Variants in FNIP1 observed in about 807,000 individuals in gnomAD.
FNIP1 encodes folliculin-interacting protein 1.
A neutral mutation model predicts 124.5 loss-of-function variants in FNIP1; 40 were observed. That is an observed-to-expected ratio of 0.32 (90% CI 0.25 to 0.42). FNIP1 has a LOEUF of 0.42. Among genes scored for constraint, FNIP1 ranks in the 10% least tolerant of loss-of-function variants. FNIP1 has a pLI of 1.00. For missense variants in FNIP1, 1,176 were observed against 1,403.7 expected, an observed-to-expected ratio of 0.84 and a Z score of 2.59; for synonymous variants, 472 against 470.6, an observed-to-expected ratio of 1.00 and a Z score of -0.04.
chr5:131,770,286 C>A (rs1185798263), intron 1 of FNIP1, among the ~76,000 whole-genome samples: 1 of 152,174 alleles, frequency 6.6e-6, no homozygotes, highest in Non-Finnish European at 1.5e-5. Context: ...ACAAGTCTAG[C>A]AGAAAATACT....
intron 12 of FNIP1, 78 bp downstream of exon 12, chr5:131,678,951 A>G (rs1454292763): frequency 1.0e-6 from 1 of 967,870 alleles, no homozygotes; most frequent in East Asian, 2.7e-5. Context: ...AATTCCAAAG[A>G]TAATGGATGA....
chr5:131,759,695 G>T (rs763348762), intron 1 of FNIP1, among the ~76,000 whole-genome samples: 1 of 152,168 alleles, frequency 6.6e-6, no homozygotes, highest in Non-Finnish European at 1.5e-5. Context: ...ATTTCTCAAA[G>T]AATTTAAAAC....
chr5:131,651,752 A>T (rs761773773), intron 16 of FNIP1, 50 bp downstream of exon 16: 1 of 1,537,156 alleles, frequency 6.5e-7, no homozygotes, highest in African/African-American at 1.4e-5. Flanking sequence ...ACAATGATGA[A>T]AGCTTTAAGC....
At chr5:131,753,200 TTAG>T (rs1770940137) in intron 1 of FNIP1, among the ~76,000 whole-genome samples, 1 of 152,214 alleles carries the variant, frequency 6.6e-6, no homozygotes, top group Non-Finnish European at 1.5e-5. Context: ...CCATACATTG[TTAG>T]TAGGAGTGTA....
At chr5:131,659,028 G>A (rs1215827462) in intron 15 of FNIP1, among the ~76,000 whole-genome samples, 2 of 151,270 alleles carry the variant, frequency 1.3e-5, no homozygotes, top group Non-Finnish European at 2.9e-5. Flanking sequence ...GGTGAAACGC[G>A]ACTAAGTAAC....
intron 5 of FNIP1, among the ~76,000 whole-genome samples, chr5:131,717,202 T>C (rs1376446791): frequency 1.3e-5 from 2 of 151,684 alleles, no homozygotes; most frequent in Non-Finnish European, 2.9e-5. Context: ...GTGTTCTCAT[T>C]GTTCAACTCC....
intron 3 of FNIP1, among the ~76,000 whole-genome samples, chr5:131,727,336 A>G (rs1042980245): frequency 6.6e-6 from 1 of 152,102 alleles, no homozygotes; most frequent in Admixed American, 6.5e-5. Context: ...GTGCTCTTGT[A>G]CTGGGTGCAT....
intron 16 of FNIP1, among the ~76,000 whole-genome samples, chr5:131,647,796 T>C (rs6859517): frequency 0.018 from 2,810 of 152,234 alleles, 90 homozygotes; most frequent in African/African-American, 0.064. Context: ...TTTTTAAATA[T>C]ACTTCAGTGG....
At chr5:131,735,072 A>G (rs1167081047) in intron 2 of FNIP1, among the ~76,000 whole-genome samples, 1 of 152,198 alleles carries the variant, frequency 6.6e-6, no homozygotes, top group Non-Finnish European at 1.5e-5. Flanking sequence ...ATGTCCAACA[A>G]TGATAGACTG....
chr5:131,745,282 T>A (rs556544085), intron 1 of FNIP1, among the ~76,000 whole-genome samples: 1 of 151,584 alleles, frequency 6.6e-6, no homozygotes, highest in South Asian at 2.1e-4. Context: ...ACTTTGGGAG[T>A]TCAAGGTAGG....
At chr5:131,678,352 G>A (rs1171624924) in intron 12 of FNIP1, among the ~76,000 whole-genome samples, 4 of 152,032 alleles carry the variant, frequency 2.6e-5, no homozygotes, top group Non-Finnish European at 5.9e-5. Context: ...AATACAATAC[G>A]ATAAAACATC....
intron 1 of FNIP1, among the ~76,000 whole-genome samples, chr5:131,794,113 A>T (rs1772497516): frequency 6.6e-6 from 1 of 150,676 alleles, no homozygotes; most frequent in Non-Finnish European, 1.5e-5. Flanking sequence ...GAGGATACTT[A>T]GGAGCCTACT....
chr5:131,788,160 T>C (rs759090780), intron 1 of FNIP1, among the ~76,000 whole-genome samples: 8 of 151,988 alleles, frequency 5.3e-5, no homozygotes, highest in Non-Finnish European at 8.8e-5. Context: ...AATGAGCAAA[T>C]ATGGCAATCA....
At chr5:131,670,979 G>A (rs112011684) in intron 14 of FNIP1, among the ~76,000 whole-genome samples, 10 of 152,144 alleles carry the variant, frequency 6.6e-5, no homozygotes, top group African/African-American at 2.4e-4. Flanking sequence ...CCTTGTGTTT[G>A]TAGCACATTC....
At chr5:131,773,057 C>T (rs1771693769) in intron 1 of FNIP1, among the ~76,000 whole-genome samples, 1 of 152,172 alleles carries the variant, frequency 6.6e-6, no homozygotes, top group African/African-American at 2.4e-5. Context: ...CTGTCATACC[C>T]TTCCTGATGC....
rs373818797 is a variant in FNIP1 at position 131,672,862 on chromosome 5, G to A, written c.1582C>T (p.Arg528Ter). The A allele has an allele frequency of 2.5e-6, 4 of 1,604,994 alleles. No individual in the cohort carries two copies. The highest frequency in any genetic ancestry group is 1.3e-5 in the African/African-American group (1 of 74,338). Residue 528 changes from arginine (R) to a stop codon, truncating the protein, a stop_gained, in exon 14 of 18, where the codon CGA becomes TGA. Transcript: ENST00000510461. LOFTEE classifies it high-confidence loss of function. ...AGTAGCCTCTGGACCATGTCTTGTCGTTTGCCAACTACCACAGTCCTTGCT... is the reference window on the plus strand; with the variant it reads ...AGTAGCCTCTGGACCATGTCTTGTCATTTGCCAACTACCACAGTCCTTGCT... Reference protein sequence around the residue: ...RLARTVVVGKRQDMVQRLLYF... With the variant: ...RLARTVVVGK
chr5:131,688,562 A>C (rs977630718), intron 11 of FNIP1, among the ~76,000 whole-genome samples: 1 of 151,512 alleles, frequency 6.6e-6, no homozygotes, highest in African/African-American at 2.4e-5. Flanking sequence ...GGGAATTGAA[A>C]ATTATGATAA....
intron 1 of FNIP1, chr5:131,796,533 A>C (rs1462531733): frequency 2.3e-6 from 1 of 429,222 alleles, no homozygotes; most frequent in African/African-American, 2.1e-5. Context: ...CCAAAGTCTC[A>C]GGCCGCGGTG....
chr5:131,727,694 T>A (rs1769930739), intron 3 of FNIP1, among the ~76,000 whole-genome samples: 1 of 152,250 alleles, frequency 6.6e-6, no homozygotes, highest in Non-Finnish European at 1.5e-5. Flanking sequence ...GTTAATATTG[T>A]TATGTGTGGA....
Sources: gnomAD v4.1 joint callset for allele counts (sites outside exome capture counted in the v4.1 genomes callset) on GRCh38, gnomAD v4.1.1 for gene constraint, MANE v1.5 for transcripts, NCBI Gene and HGNC (gene_info 2026-07-23, HGNC 2026-07-21) for gene names.